Variants in SCUBE1 observed in about 807,000 individuals in gnomAD.
The protein encoded by SCUBE1 is signal peptide, CUB domain and EGF like domain containing 1, also known as signal peptide, CUB and EGF-like domain-containing protein 1.
Under a neutral mutation model 124.4 loss-of-function variants are expected in SCUBE1, and 59 were observed. The ratio of observed to expected loss-of-function variants is 0.47; its 90% CI spans 0.38 to 0.59. SCUBE1 has a LOEUF of 0.59. Ranked by LOEUF, SCUBE1 falls within the 20% of genes least tolerant of loss-of-function variation. SCUBE1 has a pLI of 0.00. For synonymous variants in SCUBE1, 545 were observed against 550.9 expected (o/e 0.99, Z 0.15); for missense variants, 1,150 against 1,371.2 (o/e 0.84, Z 2.55).
chr22:43,318,969 G>C (rs193013348), intron 3 of SCUBE1, among the ~76,000 whole-genome samples: 1 of 152,094 alleles, frequency 6.6e-6, no homozygotes, highest in Non-Finnish European at 1.5e-5. Context: ...TGATCCACCC[G>C]CCTTGGCCTC....
At chr22:43,224,770 G>C (rs1922237292) in intron 10 of SCUBE1, among the ~76,000 whole-genome samples, 1 of 152,114 alleles carries the variant, frequency 6.6e-6, no homozygotes, top group African/African-American at 2.4e-5. Context: ...GGGGGAACCG[G>C]AACGTCATGC....
Position 43,305,345 on chromosome 22 carries a change from T to C in SCUBE1, c.350-14165A>G, listed in dbSNP as rs113035621. Among the ~76,000 whole-genome samples, 1,221 of 152,310 alleles carry C rather than the reference T, an allele frequency of 8.0e-3. 18 individuals carry two copies. The highest frequency in any genetic ancestry group is 0.027 in the African/African-American group (1,127 of 41,560). On this transcript the variant is annotated intron_variant, in intron 3 of 21. Coordinates refer to ENST00000360835, the MANE Select transcript of SCUBE1 (RefSeq NM_173050.5). Reference sequence around the variant, plus strand: ...AATTATTGCACGTGTGGCTGATGGATAAGTAAACAGACATTTGCAGCTTGG... The same window carrying C: ...AATTATTGCACGTGTGGCTGATGGACAAGTAAACAGACATTTGCAGCTTGG...
At chr22:43,245,750 C>T (rs975048186) in intron 6 of SCUBE1, among the ~76,000 whole-genome samples, 1 of 152,228 alleles carries the variant, frequency 6.6e-6, no homozygotes, top group African/African-American at 2.4e-5. Flanking sequence ...AAATAAAAGG[C>T]CCACAGGCCT....
intron 7 of SCUBE1, among the ~76,000 whole-genome samples, chr22:43,233,224 C>T (rs1922626354): frequency 6.6e-6 from 1 of 152,148 alleles, no homozygotes; most frequent in South Asian, 2.1e-4. Flanking sequence ...ATTAGCTGGG[C>T]GTGGTGGCGC....
At chr22:43,204,941 C>CAA (rs55783565) in intron 21 of SCUBE1, among the ~76,000 whole-genome samples, 4,302 of 77,224 alleles carry the variant, frequency 0.056, 79 homozygotes, top group Middle Eastern at 0.11. Context: ...GAGACTGTCT[C>CAA]AAAAAAAAAA....
At chr22:43,267,624 C>T (rs1308053581) in intron 4 of SCUBE1, among the ~76,000 whole-genome samples, 1 of 152,166 alleles carries the variant, frequency 6.6e-6, no homozygotes, top group African/African-American at 2.4e-5. Context: ...TAAGGGTGGC[C>T]CATTCTAGCT....
intron 6 of SCUBE1, among the ~76,000 whole-genome samples, chr22:43,254,704 C>A (rs1223014286): frequency 6.6e-6 from 1 of 152,190 alleles, no homozygotes; most frequent in African/African-American, 2.4e-5. Context: ...GTCGTGACAA[C>A]CCTAGGCGAC....
chr22:43,246,269 C>A (rs1923206634), intron 6 of SCUBE1, among the ~76,000 whole-genome samples: 1 of 152,120 alleles, frequency 6.6e-6, no homozygotes, highest in Non-Finnish European at 1.5e-5. Context: ...AAGGGGGCTC[C>A]CCTGTGGGTG....
intron 6 of SCUBE1, among the ~76,000 whole-genome samples, chr22:43,257,330 C>G (rs1330552155): frequency 6.6e-6 from 1 of 152,198 alleles, no homozygotes; most frequent in East Asian, 1.9e-4. Flanking sequence ...AAATAACTGA[C>G]TTGTGTTGGG....
chr22:43,255,458 A>C lies in SCUBE1; in HGVS notation c.727+2761T>G, dbSNP rs1408379214. The C allele has an allele frequency of 6.5e-7, 1 of 1,535,128 alleles. No homozygotes were observed. The highest frequency in any genetic ancestry group is 8.8e-7 in the Non-Finnish European group (1 of 1,133,036). On this transcript the variant is annotated intron_variant, in intron 6 of 21. Coordinates refer to ENST00000360835, the MANE Select transcript of SCUBE1 (RefSeq NM_173050.5). This position sits in a 1 kb window ranked among gnomAD's most constrained non-coding sequence, Gnocchi z 4.7. ...TGCACACACACACACAAGTGCAAGT[A>C]CGACAAAGGAAGTGGAAGAAAAGTG...
intron 6 of SCUBE1, among the ~76,000 whole-genome samples, chr22:43,248,865 C>T (rs886179480): frequency 6.6e-6 from 1 of 152,190 alleles, no homozygotes; most frequent in African/African-American, 2.4e-5. Flanking sequence ...CACTGAGGCC[C>T]CATCCATCCC....
chr22:43,217,160 C>G (rs73420038), intron 15 of SCUBE1, among the ~76,000 whole-genome samples: 1,162 of 86,058 alleles, frequency 0.014, 236 homozygotes, highest in East Asian at 0.12. Context: ...TTCCCTCCTC[C>G]CCCGCCAGGT....
chr22:43,216,377 G>C (rs1921811367), intron 15 of SCUBE1, among the ~76,000 whole-genome samples: 2 of 151,310 alleles, frequency 1.3e-5, no homozygotes, highest in African/African-American at 4.9e-5. Context: ...AGAAGAGGCT[G>C]GGCGCAGTGG....
At chr22:43,276,592 G>A (rs1569007131) in intron 4 of SCUBE1, among the ~76,000 whole-genome samples, 1 of 152,212 alleles carries the variant, frequency 6.6e-6, no homozygotes, top group African/African-American at 2.4e-5. Context: ...GACCTCGGCT[G>A]CTTCCCCACT....
rs949252934 is a variant in SCUBE1 at position 43,205,482 on chromosome 22, G to A, written c.2815-1333C>T. Among the ~76,000 whole-genome samples the A allele has an allele frequency of 1.8e-4, 27 of 151,924 alleles. No individual in the cohort carries two copies. In the South Asian group the frequency reaches 3.9e-3, roughly 22 times the overall value. ...AATGGCGACCACCACCTGCTGGCGC[G>A]TGAGAGCTCCTCGCCCTGTTGACTG... On this transcript the variant is annotated intron_variant, in intron 21 of 21. Coordinates refer to ENST00000360835, the MANE Select transcript of SCUBE1 (RefSeq NM_173050.5).
At chr22:43,249,013 CA>C (rs1473923930) in intron 6 of SCUBE1, among the ~76,000 whole-genome samples, 3 of 152,166 alleles carry the variant, frequency 2.0e-5, no homozygotes, top group Non-Finnish European at 4.4e-5. Flanking sequence ...TGCCCCCAGT[CA>C]GGGGGTGCTG....
chr22:43,342,690 G>T (rs115532507), intron 1 of SCUBE1, among the ~76,000 whole-genome samples: 258 of 151,732 alleles, frequency 1.7e-3, no homozygotes, highest in African/African-American at 6.0e-3. Context: ...GCTTCCTTTT[G>T]TCTGCTCCCT....
chr22:43,221,866 C>G (rs762285217), intron 12 of SCUBE1, among the ~76,000 whole-genome samples: 2 of 152,154 alleles, frequency 1.3e-5, no homozygotes, highest in Admixed American at 6.5e-5. Flanking sequence ...GAGTTCCAGA[C>G]TAGCCTGACC....
intron 2 of SCUBE1, among the ~76,000 whole-genome samples, chr22:43,331,318 T>G (rs1375663986): frequency 3.9e-5 from 6 of 152,216 alleles, no homozygotes; most frequent in African/African-American, 1.4e-4. Flanking sequence ...GTTTTTCCTT[T>G]TCACACAAAA....
Sources: allele counts gnomAD v4.1 joint callset (sites outside exome capture counted in the v4.1 genomes callset), GRCh38; gene constraint gnomAD v4.1.1; non-coding constraint Gnocchi (gnomAD v3.1); transcripts MANE v1.5; gene names NCBI Gene and HGNC (gene_info 2026-07-23, HGNC 2026-07-21).